The following C10orf90 variants were observed in gnomAD, a reference collection of about 807,000 sequenced individuals.
C10orf90 encodes (E2-independent) E3 ubiquitin-conjugating enzyme FATS.
C10orf90 carries 56 observed loss-of-function variants against 62.5 expected under a neutral mutation model. That is an observed-to-expected ratio of 0.90 (90% confidence interval 0.72 to 1.12). C10orf90 has a LOEUF of 1.12. Ranked by LOEUF, C10orf90 falls within the 50% of genes most tolerant of loss-of-function variation. C10orf90 has a pLI of 0.00. For synonymous variants in C10orf90, 386 were observed against 340.4 expected, an observed-to-expected ratio of 1.13 and a Z score of -1.47; for missense variants, 970 against 880.4, an observed-to-expected ratio of 1.10 and a Z score of -1.29.
Position 126,425,460 on chromosome 10 carries a change from AAGG to A in C10orf90, c.*401_*403del, listed in dbSNP as rs1857212041. The A allele has an allele frequency of 4.9e-6, 1 of 204,170 alleles. No homozygotes were observed. The highest frequency in any genetic ancestry group is 2.3e-5 in the African/African-American group (1 of 43,220). 12.6% of individuals were successfully genotyped at this position (204,170 alleles called of 1,614,324 possible). On this transcript the variant is annotated 3_prime_UTR_variant, in exon 10 of 10. Coordinates refer to ENST00000488181, the MANE Select transcript of C10orf90 (RefSeq NM_001350921.2). ...GGCAGGTGCTGAGATTGAAATTTAA[AAGG>A]AGATGGATTTGGATCCCAAAAGTTT...
At chr10:126,604,245 T>C (rs1037149338) in intron 2 of C10orf90, among the ~76,000 whole-genome samples, 9 of 152,060 alleles carry the variant, frequency 5.9e-5, no homozygotes, top group Non-Finnish European at 1.3e-4. Flanking sequence ...TCATTCTCAG[T>C]CCCTGAGTAA....
chr10:126,576,497 G>A (rs556662372), intron 2 of C10orf90, among the ~76,000 whole-genome samples: 59 of 151,608 alleles, frequency 3.9e-4, no homozygotes, highest in South Asian at 2.3e-3. Flanking sequence ...ATAACACTTC[G>A]GAGAGCAATA....
At chr10:126,443,844 A>C (rs1235839250) in intron 7 of C10orf90, among the ~76,000 whole-genome samples, 2 of 152,088 alleles carry the variant, frequency 1.3e-5, no homozygotes, top group African/African-American at 4.8e-5. Flanking sequence ...TGGGTTTCAC[A>C]ACAGGGATGC....
rs538464333 is a variant in C10orf90 at position 126,617,687 on chromosome 10, T to A, written c.313+28878A>T. 3.3e-5 allele frequency among the ~76,000 whole-genome samples: 5 copies of A among 152,348 alleles called. 1 individual carries two copies. Among genetic ancestry groups the A allele is most frequent in the African/African-American group, 1.2e-4 (5 of 41,584 alleles). On this transcript the variant is annotated intron_variant, in intron 2 of 9. Transcript: ENST00000488181. ...CAAGGTCTTTGCTAGGGCAAGGAGCTCTGAAACGAAAGCCCATGTCCTTGT... is the reference window on the plus strand; with the variant it reads ...CAAGGTCTTTGCTAGGGCAAGGAGCACTGAAACGAAAGCCCATGTCCTTGT...
intron 6 of C10orf90, among the ~76,000 whole-genome samples, chr10:126,461,198 AG>A (rs1325176079): frequency 2.0e-5 from 3 of 152,210 alleles, no homozygotes; most frequent in Non-Finnish European, 4.4e-5. Flanking sequence ...TCTAACCTGG[AG>A]GAGTCAGTGT....
chr10:126,603,656 G>A (rs892100467), intron 2 of C10orf90, among the ~76,000 whole-genome samples: 1 of 152,128 alleles, frequency 6.6e-6, no homozygotes, highest in Non-Finnish European at 1.5e-5. Flanking sequence ...TAAGAGTTGT[G>A]CCTGCCTCCC....
chr10:126,633,978 G>T (rs1001405771), intron 2 of C10orf90, among the ~76,000 whole-genome samples: 15 of 152,144 alleles, frequency 9.9e-5, no homozygotes, highest in Admixed American at 6.5e-5. Flanking sequence ...AAGAAGAAAC[G>T]ATAAGTTTTG....
chr10:126,616,255 T>C (rs977966942), intron 2 of C10orf90, among the ~76,000 whole-genome samples: 3 of 152,046 alleles, frequency 2.0e-5, no homozygotes, highest in African/African-American at 7.2e-5. Context: ...TAATCAAGAG[T>C]GTACTACCAT....
At chr10:126,498,446 G>A (rs577210403) in intron 4 of C10orf90, among the ~76,000 whole-genome samples, 9 of 152,230 alleles carry the variant, frequency 5.9e-5, no homozygotes, top group East Asian at 1.9e-4. Flanking sequence ...CTCCTCATAC[G>A]GGTGCTAAGG....
chr10:126,657,028 C>T (rs555083357), intron 1 of C10orf90, among the ~76,000 whole-genome samples: 1 of 152,272 alleles, frequency 6.6e-6, no homozygotes, highest in African/African-American at 2.4e-5. Context: ...ACTTTGTGTT[C>T]TGTAAACACA....
intron 5 of C10orf90, among the ~76,000 whole-genome samples, chr10:126,463,595 G>A (rs1440675581): frequency 6.6e-6 from 1 of 152,154 alleles, no homozygotes; most frequent in Non-Finnish European, 1.5e-5. Flanking sequence ...GATCAACCAT[G>A]TTCCTCCTGT....
At chr10:126,436,663 A>T (rs971638971) in intron 7 of C10orf90, among the ~76,000 whole-genome samples, 9 of 152,026 alleles carry the variant, frequency 5.9e-5, no homozygotes, top group African/African-American at 2.2e-4. Flanking sequence ...ATCATTTTTT[A>T]AAAACTTTTC....
chr10:126,572,170 A>G (rs569465570), intron 2 of C10orf90, among the ~76,000 whole-genome samples: 70 of 151,834 alleles, frequency 4.6e-4, no homozygotes, highest in Middle Eastern at 6.8e-3. Context: ...GGTCATACAG[A>G]CCTCCCTGAT....
In C10orf90 at chr10:126,557,010, T is replaced by TAA. The variant is rs200947401; in HGVS notation, c.314-43073_314-43072dup. Among the ~76,000 whole-genome samples the TAA allele has an allele frequency of 5.0e-3, 658 of 131,916 alleles. 6 individuals are homozygous for TAA. Among genetic ancestry groups the TAA allele is most frequent in the Middle Eastern group, 0.013 (3 of 240 alleles). 86.5% of individuals were successfully genotyped at this position (131,916 alleles called of 152,430 possible). A position where few individuals can be genotyped will look rare whatever the true frequency, so the allele number is the denominator to read the frequency against. ...TCGTGGTTTTTGCAATTAATCAATT[T>TAA]AAAAAAAAAAAAAAAAAGGCAAAAA... On this transcript the variant is annotated intron_variant, in intron 2 of 9. Coordinates refer to ENST00000488181, the MANE Select transcript of C10orf90 (RefSeq NM_001350921.2).
chr10:126,597,520 A>G (rs1202640265), intron 2 of C10orf90, among the ~76,000 whole-genome samples: 1 of 152,234 alleles, frequency 6.6e-6, no homozygotes, highest in Non-Finnish European at 1.5e-5. Context: ...CTGATGCAGC[A>G]GATGAACTTA....
chr10:126,478,055 C>T (rs186867408), intron 4 of C10orf90, among the ~76,000 whole-genome samples: 30 of 152,166 alleles, frequency 2.0e-4, no homozygotes, highest in Admixed American at 1.0e-3. Context: ...TTGAGAAAGA[C>T]GAAAGGCATT....
chr10:126,599,816 G>A (rs568936599), intron 2 of C10orf90, among the ~76,000 whole-genome samples: 1 of 152,108 alleles, frequency 6.6e-6, no homozygotes, highest in Non-Finnish European at 1.5e-5. Flanking sequence ...ATATAGTTTG[G>A]TAGGGTAATA....
intron 2 of C10orf90, among the ~76,000 whole-genome samples, chr10:126,570,262 A>C (rs1234105858): frequency 6.6e-5 from 10 of 152,174 alleles, no homozygotes. Context: ...GGTTTATGTC[A>C]ATCAGTAAAG....
intron 2 of C10orf90, among the ~76,000 whole-genome samples, chr10:126,525,592 T>C (rs1178902280): frequency 6.6e-6 from 1 of 152,132 alleles, no homozygotes; most frequent in Non-Finnish European, 1.5e-5. Context: ...TCTCTCATTA[T>C]AAGAGCCATT....
Sources: allele counts gnomAD v4.1 joint callset (sites outside exome capture counted in the v4.1 genomes callset), GRCh38; gene constraint gnomAD v4.1.1; transcripts MANE v1.5; gene names NCBI Gene and HGNC (gene_info 2026-07-23, HGNC 2026-07-21).